CLIP1: variants seen among roughly 807,000 people sequenced by gnomAD.
CLIP1 encodes the protein CAP-Gly domain-containing linker protein 1.
Under a neutral mutation model 161.6 loss-of-function variants are expected in CLIP1, and 66 were observed. That is an observed-to-expected ratio of 0.41 (90% CI 0.33 to 0.50). The LOEUF is 0.50. Among genes scored for constraint, CLIP1 ranks in the 20% least tolerant of loss-of-function variants. CLIP1 has a pLI of 0.27. For synonymous variants in CLIP1, 598 were observed against 626.2 expected, an observed-to-expected ratio of 0.96 and a Z score of 0.67; for missense variants, 1,376 against 1,702.0, an observed-to-expected ratio of 0.81 and a Z score of 3.37.
chr12:122,274,127 T>G lies in CLIP1; in HGVS notation c.4002A>C (p.Gln1334His), dbSNP rs1215680834. ...TCATCTTGAGGTCTTGATTCTTCCT[T>G]TGAAGGTCCACTATTACTGAATTTA... is the stretch of plus-strand genomic sequence containing the variant. ...DFLNSVIVDL[Q>H]RKNQDLKMKV... The change falls in exon 25 of 26, where the codon CAA (glutamine) becomes CAC (histidine). Residue 1334 changes from glutamine to histidine, a missense_variant. Gln to His is a conservative substitution (Grantham distance 24). Around this residue, in one of 6 missense-constraint regions of CLIP1, gnomAD observed 948 missense variants for 1,134.8 expected, o/e 0.84. Coordinates refer to ENST00000620786, the MANE Select transcript of CLIP1 (RefSeq NM_001247997.2). The G allele has an allele frequency of 6.2e-7, 1 of 1,607,050 alleles. No individual in the cohort carries two copies. The highest frequency in any genetic ancestry group is 2.2e-5 in the East Asian group (1 of 44,846).
chr12:122,338,589 C>T (rs1053651533), intron 11 of CLIP1, among the ~76,000 whole-genome samples: 1 of 151,960 alleles, frequency 6.6e-6, no homozygotes, highest in Non-Finnish European at 1.5e-5. Context: ...TGATGGCGGG[C>T]GCCTGTAATC....
In CLIP1 at chr12:122,411,498, T is replaced by C. The variant is rs570755905; in HGVS notation, c.-107+11023A>G. ...CAAAAAGTAGAAACAATCCAAAGGT[T>C]CATCAAGTGATGAAGAGACACAATG... On this transcript the variant is annotated intron_variant, in intron 1 of 25. Transcript: ENST00000620786. 1.3e-4 allele frequency among the ~76,000 whole-genome samples: 20 copies of C among 152,286 alleles called. No homozygotes were observed. The South Asian group carries it at 2.7e-3, about 20-fold the overall frequency.
intron 21 of CLIP1, among the ~76,000 whole-genome samples, chr12:122,285,199 T>C (rs1955798977): frequency 6.6e-6 from 1 of 151,752 alleles, no homozygotes; most frequent in African/African-American, 2.4e-5. Flanking sequence ...AATTATGACG[T>C]GCTACATAAA....
intron 1 of CLIP1, among the ~76,000 whole-genome samples, chr12:122,387,577 TATATATATA>T (rs1955366269): frequency 4.8e-4 from 2 of 4,196 alleles, no homozygotes; most frequent in African/African-American, 8.7e-4. Flanking sequence ...TATATATATA[TATATATATA>T]TATATTTTTT....
rs1446973392 is a variant in CLIP1 at position 122,393,165 on chromosome 12, T to TG, written c.-106-12608dup. On this transcript the variant is annotated intron_variant, in intron 1 of 25. Transcript: ENST00000620786. Reference sequence around the variant, plus strand: ...AAAATTCACTGCAGATTGGCAATCTTGTTTTTTTTTTTTTTTTAGATGGAG... The same window carrying TG: ...AAAATTCACTGCAGATTGGCAATCTTGGTTTTTTTTTTTTTTTTAGATGGAG... 5.0e-5 allele frequency among the ~76,000 whole-genome samples: 7 copies of TG among 139,302 alleles called. No individual in the cohort carries two copies. The East Asian group carries it at 1.4e-3, about 28-fold the overall frequency. The allele number at this position is 139,302 out of a possible 152,430, so 91.4% of individuals were successfully genotyped here. A position where few individuals can be genotyped will look rare whatever the true frequency, so the allele number is the denominator to read the frequency against.
intron 5 of CLIP1, among the ~76,000 whole-genome samples, chr12:122,359,698 G>A (rs1953682018): frequency 6.6e-6 from 1 of 152,322 alleles, no homozygotes; most frequent in African/African-American, 2.4e-5. Context: ...TAGATGGCTG[G>A]CAGAGGAGCA....
intron 2 of CLIP1, among the ~76,000 whole-genome samples, chr12:122,380,166 C>T (rs1204466794): frequency 6.6e-6 from 1 of 151,734 alleles, no homozygotes; most frequent in Admixed American, 6.6e-5. Flanking sequence ...TCGCTTGAAC[C>T]CAGGAGGCGG....
chr12:122,364,916 T>C (rs544617587), intron 3 of CLIP1: 1 of 561,420 alleles, frequency 1.8e-6, no homozygotes, highest in African/African-American at 1.9e-5. Flanking sequence ...TAAAAAATGA[T>C]GAGTTCATGT....
intron 19 of CLIP1, 41 bp from the exon 20 acceptor site, chr12:122,309,923 C>A: frequency 6.2e-7 from 1 of 1,609,416 alleles, no homozygotes; most frequent in Non-Finnish European, 8.5e-7. Context: ...AGAAACAAGA[C>A]AGGCAAGGAA....
intron 17 of CLIP1, among the ~76,000 whole-genome samples, chr12:122,320,199 G>A (rs1045111728): frequency 1.3e-5 from 2 of 151,510 alleles, no homozygotes; most frequent in Admixed American, 6.6e-5. Flanking sequence ...CCTGGGAGGC[G>A]GAGGTTGCAG....
chr12:122,334,204 C>A, intron 13 of CLIP1, 94 bp from the exon 14 acceptor site: 1 of 754,376 alleles, frequency 1.3e-6, no homozygotes, highest in South Asian at 1.6e-5. Flanking sequence ...ATATTATGCT[C>A]AAGAGATCTG....
chr12:122,388,009 G>T (rs545923214), intron 1 of CLIP1, among the ~76,000 whole-genome samples: 1 of 152,106 alleles, frequency 6.6e-6, no homozygotes, highest in East Asian at 1.9e-4. Flanking sequence ...TCGTTTTTAA[G>T]AATGTCAGAG....
At chr12:122,300,353 A>AG (rs570918907) in intron 20 of CLIP1, among the ~76,000 whole-genome samples, 221 of 152,248 alleles carry the variant, frequency 1.5e-3, no homozygotes, top group African/African-American at 4.8e-3. Context: ...AAGGACAGAG[A>AG]GGGGGAAAAA....
intron 24 of CLIP1, chr12:122,276,544 T>C (rs1955437901): frequency 4.1e-6 from 5 of 1,206,094 alleles, no homozygotes; most frequent in Non-Finnish European, 5.4e-6. Flanking sequence ...CCAGTAGACA[T>C]ACAAAGAGGA....
At chr12:122,350,350 A>G (rs1471530988) in intron 9 of CLIP1, among the ~76,000 whole-genome samples, 1 of 152,174 alleles carries the variant, frequency 6.6e-6, no homozygotes, top group Non-Finnish European at 1.5e-5. Flanking sequence ...GGCAGGGTAC[A>G]CCAGGAAGCA....
At chr12:122,384,075 TTAC>T (rs765187631) in intron 1 of CLIP1, among the ~76,000 whole-genome samples, 1 of 152,206 alleles carries the variant, frequency 6.6e-6, no homozygotes, top group Non-Finnish European at 1.5e-5. Context: ...GCCACTATTA[TTAC>T]CTCTTTTTTA....
chr12:122,295,822 T>C (rs931543016), intron 20 of CLIP1, among the ~76,000 whole-genome samples: 1 of 152,372 alleles, frequency 6.6e-6, no homozygotes, highest in Admixed American at 6.5e-5. Flanking sequence ...AAAATTGTTA[T>C]ATCTTTCTGA....
In CLIP1 at chr12:122,355,546, T is replaced by C. The variant is rs1953295373; in HGVS notation, c.1006-234A>G. ...GAGATCAGCCAGGTGCGGTGGCTCA[T>C]GCCTGTAATCCTAGCACTTCAGGAG... On this transcript the variant is annotated intron_variant, in intron 5 of 25. Coordinates refer to ENST00000620786, the MANE Select transcript of CLIP1 (RefSeq NM_001247997.2). The surrounding 1 kb of genome is among the most constrained non-coding windows in gnomAD (Gnocchi z 4.1). The C allele has an allele frequency of 2.0e-6, 1 of 491,398 alleles. No individual in the cohort carries two copies. Among genetic ancestry groups the C allele is most frequent in the Non-Finnish European group, 3.7e-6 (1 of 270,828 alleles). The allele number at this position is 491,398 out of a possible 1,614,324, so 30.4% of individuals were successfully genotyped here.
chr12:122,355,353 T>C lies in CLIP1; in HGVS notation c.1006-41A>G. Reference sequence around the variant, plus strand: ...AGAGAAATGAAGGGCGATGATGCTGTCAGAAAAGCGAGGGAGGCGCGATGC... The same window carrying C: ...AGAGAAATGAAGGGCGATGATGCTGCCAGAAAAGCGAGGGAGGCGCGATGC... On this transcript the variant is annotated intron_variant, in intron 5 of 25. Transcript: ENST00000620786. This position sits in a 1 kb window ranked among gnomAD's most constrained non-coding sequence, Gnocchi z 4.1. 1.3e-6 allele frequency: 2 copies of C among 1,581,952 alleles called. No individual in the cohort carries two copies. The highest frequency in any genetic ancestry group is 1.1e-5 in the South Asian group (1 of 89,574).
Sources: allele counts gnomAD v4.1 joint callset (sites outside exome capture counted in the v4.1 genomes callset), GRCh38; gene constraint gnomAD v4.1.1; regional missense constraint gnomAD v4.1.1; non-coding constraint Gnocchi (gnomAD v3.1); transcripts MANE v1.5; gene names NCBI Gene and HGNC (gene_info 2026-07-23, HGNC 2026-07-21).